Variants in NXPH2 observed in about 807,000 individuals in gnomAD.
NXPH2 encodes the protein neurexophilin 2.
In NXPH2, 5 loss-of-function variants were observed where a neutral mutation model predicts 19.8. The ratio of observed to expected loss-of-function variants is 0.25; its 90% confidence interval spans 0.13 to 0.53. The LOEUF (loss-of-function observed/expected upper bound fraction) is 0.53, where lower values mean the gene tolerates loss of function less well. NXPH2 is among the 20% of genes least tolerant of loss of function. The probability of loss-of-function intolerance (pLI) is 0.96; values close to 1 mark genes in which losing one functional copy is unlikely to be tolerated. For missense variants in NXPH2, 289 were observed against 322.8 expected (o/e 0.90, Z 0.80); for synonymous variants, 154 against 127.4 (o/e 1.21, Z -1.41).
chr2:138,707,107 A>AAAAAAAAAAAAAAAAAAAAAAAAAAC (rs1558918445), intron 1 of NXPH2, among the ~76,000 whole-genome samples: 2 of 146,536 alleles, frequency 1.4e-5, no homozygotes, highest in African/African-American at 5.0e-5. Flanking sequence ...AAAAAAAAAA[A>AAAAAAAAAAAAAAAAAAAAAAAAAAC]AAAAAGAGCA....
chr2:138,693,228 G>T (rs764671908), intron 1 of NXPH2, among the ~76,000 whole-genome samples: 4 of 152,140 alleles, frequency 2.6e-5, no homozygotes, highest in Non-Finnish European at 4.4e-5. Context: ...GAATGTAACT[G>T]CTGATCCCCC....
chr2:138,735,876 C>T (rs569940073), intron 1 of NXPH2, among the ~76,000 whole-genome samples: 5 of 152,314 alleles, frequency 3.3e-5, no homozygotes, highest in South Asian at 2.1e-4. Context: ...TTGACCAAAA[C>T]GAAGGGGCTA....
At chr2:138,759,781 G>A (rs1167665361) in intron 1 of NXPH2, among the ~76,000 whole-genome samples, 7 of 148,134 alleles carry the variant, frequency 4.7e-5, no homozygotes, top group Admixed American at 4.1e-4. Context: ...CCAGGCTGGA[G>A]TGCAGTAGCG....
intron 1 of NXPH2, among the ~76,000 whole-genome samples, chr2:138,767,269 A>G (rs548382090): frequency 1.2e-3 from 178 of 152,358 alleles, no homozygotes; most frequent in Non-Finnish European, 1.8e-3. Flanking sequence ...GCCTGACCAC[A>G]GAAGGAAATG....
At chr2:138,709,963 C>A (rs1214167718) in intron 1 of NXPH2, among the ~76,000 whole-genome samples, 1 of 152,140 alleles carries the variant, frequency 6.6e-6, no homozygotes, top group Non-Finnish European at 1.5e-5. Flanking sequence ...TTTATGTGTA[C>A]AATTCAGTGG....
chr2:138,764,278 A>G (rs1046344243), intron 1 of NXPH2, among the ~76,000 whole-genome samples: 1 of 152,176 alleles, frequency 6.6e-6, no homozygotes, highest in Non-Finnish European at 1.5e-5. Context: ...AAGCCAAAGG[A>G]TACTTAAGAG....
intron 1 of NXPH2, among the ~76,000 whole-genome samples, chr2:138,710,002 C>A (rs1681082056): frequency 6.6e-6 from 1 of 152,162 alleles, no homozygotes; most frequent in African/African-American, 2.4e-5. Context: ...TATTGTGCAA[C>A]CATCACAACT....
At chr2:138,768,033 C>T (rs377585888) in intron 1 of NXPH2, among the ~76,000 whole-genome samples, 95 of 152,028 alleles carry the variant, frequency 6.2e-4, no homozygotes, top group Non-Finnish European at 1.3e-3. Context: ...TTATAAATTT[C>T]GTTTCTAATA....
intron 1 of NXPH2, among the ~76,000 whole-genome samples, chr2:138,755,702 C>T (rs375670289): frequency 7.9e-5 from 12 of 152,104 alleles, no homozygotes; most frequent in South Asian, 6.2e-4. Context: ...GCAATATCTG[C>T]GAAGTAGCCT....
At position 138,729,276 on chromosome 2, in the gene NXPH2, T is replaced by A. The variant is rs575751853; in HGVS notation, c.51+50915A>T. On this transcript the variant is annotated intron_variant, in intron 1 of 1. Coordinates refer to ENST00000272641, the MANE Select transcript of NXPH2 (RefSeq NM_007226.3). ...GGTGGTTTCCCTCATGCTATTCTCA[T>A]AATAGTGAGAAAATTCTCATGAGAT... 1.5e-3 allele frequency among the ~76,000 whole-genome samples: 225 copies of A among 152,274 alleles called. 1 individual carries two copies. Among genetic ancestry groups the A allele is most frequent in the Non-Finnish European group, 9.7e-4 (66 of 68,008 alleles).
chr2:138,749,552 T>C (rs916785030), intron 1 of NXPH2, among the ~76,000 whole-genome samples: 2 of 152,198 alleles, frequency 1.3e-5, no homozygotes, highest in Non-Finnish European at 2.9e-5. Context: ...AATAATTTAA[T>C]ACACGTTCAA....
At chr2:138,733,608 T>G (rs938775173) in intron 1 of NXPH2, among the ~76,000 whole-genome samples, 4 of 152,128 alleles carry the variant, frequency 2.6e-5, no homozygotes, top group African/African-American at 9.7e-5. Context: ...TGAAAATATA[T>G]CTGTATGTTG....
rs556655923 is a variant in NXPH2, at chr2:138,771,871, T to G, written c.51+8320A>C. The stretch of plus-strand genomic sequence containing the variant: ...TGGCAAAGTGCCTCCCCAAAAGAAA[T>G]CTGGGTGGAGAACCAATAACATCCA... On this transcript the variant is annotated intron_variant, in intron 1 of 1. Transcript: ENST00000272641. 3.3e-5 allele frequency among the ~76,000 whole-genome samples: 5 copies of G among 152,208 alleles called. No individual in the cohort carries two copies. The East Asian group carries it at 9.7e-4, about 29-fold the overall frequency.
intron 1 of NXPH2, among the ~76,000 whole-genome samples, chr2:138,688,796 CTT>C (rs1328926437): frequency 1.3e-5 from 2 of 152,188 alleles, no homozygotes; most frequent in Admixed American, 1.3e-4. Context: ...TAAAGTGTCT[CTT>C]GACATCCTGA....
chr2:138,780,047 C>T, intron 1 of NXPH2, 144 bp downstream of exon 1: 1 of 732,414 alleles, frequency 1.4e-6, no homozygotes, highest in Non-Finnish European at 2.1e-6. Context: ...ACCTCTAAGG[C>T]AACCCAAAAC....
intron 1 of NXPH2, among the ~76,000 whole-genome samples, chr2:138,694,468 C>A (rs1001676483): frequency 3.9e-5 from 6 of 152,060 alleles, no homozygotes; most frequent in African/African-American, 1.4e-4. Context: ...CAGAGACAAT[C>A]TCTGAAGATG....
intron 1 of NXPH2, among the ~76,000 whole-genome samples, chr2:138,779,534 C>G (rs1007992497): frequency 1.3e-5 from 2 of 152,014 alleles, no homozygotes; most frequent in Admixed American, 6.6e-5. Context: ...AAGACAGCTT[C>G]GAGATGCCCG....
At chr2:138,739,830 G>A (rs1681615770) in intron 1 of NXPH2, among the ~76,000 whole-genome samples, 1 of 152,034 alleles carries the variant, frequency 6.6e-6, no homozygotes, top group South Asian at 2.1e-4. Context: ...ACATAAGCAA[G>A]CAACAAGATA....
intron 1 of NXPH2, among the ~76,000 whole-genome samples, chr2:138,772,298 A>ATTAT (rs56067113): frequency 6.6e-6 from 1 of 151,432 alleles, no homozygotes; most frequent in East Asian, 1.9e-4. Context: ...GTTAAATTTT[A>ATTAT]TTATTTATTT....
Sources: allele counts gnomAD v4.1 joint callset (sites outside exome capture counted in the v4.1 genomes callset), GRCh38; gene constraint gnomAD v4.1.1; transcripts MANE v1.5; gene names NCBI Gene and HGNC (gene_info 2026-07-23, HGNC 2026-07-21).